SAMD12: variants seen among roughly 807,000 people sequenced by gnomAD.
SAMD12 encodes the protein sterile alpha motif domain containing 12, also known as sterile alpha motif domain-containing protein 12.
A neutral mutation model predicts 15.0 loss-of-function variants in SAMD12; 9 were observed. The ratio of observed to expected loss-of-function variants is 0.60; its 90% CI spans 0.36 to 1.05. The LOEUF is 1.05. SAMD12 is among the 50% of genes least tolerant of loss of function. The probability of loss-of-function intolerance (pLI) is 0.01; values close to 1 mark genes in which losing one functional copy is unlikely to be tolerated. For missense variants in SAMD12, 230 were observed against 234.2 expected, an observed-to-expected ratio of 0.98 and a Z score of 0.12; for synonymous variants, 86 against 90.1, an observed-to-expected ratio of 0.96 and a Z score of 0.25.
intron 4 of SAMD12, among the ~76,000 whole-genome samples, chr8:118,271,820 A>G (rs1813361256): frequency 6.6e-6 from 1 of 152,206 alleles, no homozygotes; most frequent in Admixed American, 6.5e-5. Flanking sequence ...CACTGATGCA[A>G]GACACTGATG....
chr8:118,191,755 A>ATTATAT (rs1222293487), exon 5 of SAMD12: 1,012 of 34,096 alleles, frequency 0.03, 342 homozygotes, highest in Non-Finnish European at 0.049. Flanking sequence ...AATACTGGAG[A>ATTATAT]TTATATATAT....
intron 2 of SAMD12, among the ~76,000 whole-genome samples, chr8:118,541,246 C>T (rs1379486637): frequency 1.3e-5 from 2 of 152,180 alleles, no homozygotes; most frequent in Admixed American, 6.6e-5. Context: ...CAAAGTCATA[C>T]AAGAATGAAA....
At chr8:118,438,261 A>G (rs1157325949) in intron 3 of SAMD12, among the ~76,000 whole-genome samples, 9 of 152,180 alleles carry the variant, frequency 5.9e-5, no homozygotes, top group Admixed American at 5.9e-4. Flanking sequence ...TTTATATTTA[A>G]GATAGAAGGA....
intron 2 of SAMD12, among the ~76,000 whole-genome samples, chr8:118,558,836 C>T (rs1411198527): frequency 2.0e-5 from 3 of 152,116 alleles, no homozygotes; most frequent in African/African-American, 7.2e-5. Flanking sequence ...GGATTACAGG[C>T]GTGAGCCACC....
intron 3 of SAMD12, among the ~76,000 whole-genome samples, chr8:118,439,381 T>C (rs1447318719): frequency 2.0e-5 from 3 of 152,206 alleles, no homozygotes; most frequent in Non-Finnish European, 4.4e-5. Flanking sequence ...ATGGACTCTT[T>C]CACATGATTG....
chr8:118,481,494 A>G (rs1226609853), intron 2 of SAMD12, among the ~76,000 whole-genome samples: 2 of 152,198 alleles, frequency 1.3e-5, no homozygotes, highest in Non-Finnish European at 2.9e-5. Context: ...TGAGGAGTTC[A>G]GGGGACAAAG....
intron 4 of SAMD12, among the ~76,000 whole-genome samples, chr8:118,333,470 T>C (rs1265947375): frequency 6.6e-6 from 1 of 152,200 alleles, no homozygotes; most frequent in Admixed American, 6.5e-5. Flanking sequence ...TGTTCATGAA[T>C]AGCTGACGTT....
In SAMD12 at chr8:118,219,124, C is replaced by G. The variant is rs1241492590; in HGVS notation, c.434-21392G>C. 2.0e-5 allele frequency among the ~76,000 whole-genome samples: 3 copies of G among 152,198 alleles called. No individual in the cohort carries two copies. In the East Asian group the frequency reaches 5.8e-4, roughly 29 times the overall value. On this transcript the variant is annotated intron_variant, in intron 4 of 4. Transcript: ENST00000409003. ...TCACAGGCCAGCTCACCTCACCTCA[C>G]TCTTTTTTTACGTTTGCCTGAACCT...
intron 4 of SAMD12, among the ~76,000 whole-genome samples, chr8:118,200,142 T>C (rs1280787871): frequency 1.3e-5 from 2 of 152,150 alleles, no homozygotes; most frequent in Admixed American, 1.3e-4. Flanking sequence ...CTGCTATGAT[T>C]GTGAGGCCTC....
the SAMD12 span, among the ~76,000 whole-genome samples, chr8:118,134,957 A>G: frequency 2.0e-5 from 3 of 152,270 alleles, no homozygotes; most frequent in Non-Finnish European, 4.4e-5. Context: ...GCAGATTCTC[A>G]TTTAGAATGG....
chr8:118,377,383 G>A (rs1466539614), downstream of SAMD12, among the ~76,000 whole-genome samples: 1 of 152,114 alleles, frequency 6.6e-6, no homozygotes, highest in Non-Finnish European at 1.5e-5. Flanking sequence ...GGGCAACAGA[G>A]TGAGACTCTG....
At chr8:118,293,554 T>A (rs1814534330) in intron 4 of SAMD12, among the ~76,000 whole-genome samples, 2 of 152,260 alleles carry the variant, frequency 1.3e-5, no homozygotes, top group African/African-American at 4.8e-5. Context: ...CAGCAATTTA[T>A]GTTCTTAGGA....
the SAMD12 span, among the ~76,000 whole-genome samples, chr8:118,133,701 G>A: frequency 8.7e-3 from 1,319 of 152,120 alleles, 24 homozygotes; most frequent in African/African-American, 0.03. Flanking sequence ...CATAGCAACA[G>A]CAAGACTTTT....
intron 3 of SAMD12, among the ~76,000 whole-genome samples, chr8:118,424,692 G>A (rs1822164896): frequency 6.6e-6 from 1 of 152,148 alleles, no homozygotes; most frequent in Non-Finnish European, 1.5e-5. Context: ...AGATAGTTGT[G>A]TTTTACTGAA....
At chr8:118,349,900 G>T (rs1322844814) in intron 4 of SAMD12, among the ~76,000 whole-genome samples, 1 of 152,158 alleles carries the variant, frequency 6.6e-6, no homozygotes, top group Admixed American at 6.5e-5. Context: ...AGCTAAGCTG[G>T]GAGGATTGCT....
chr8:118,367,430 A>G (rs995450763), intron 4 of SAMD12, among the ~76,000 whole-genome samples: 2 of 152,220 alleles, frequency 1.3e-5, no homozygotes, highest in Admixed American at 6.5e-5. Flanking sequence ...AATAAAACCA[A>G]TATCAATTGT....
At chr8:118,158,186 A>G in the SAMD12 span, among the ~76,000 whole-genome samples, 2 of 152,244 alleles carry the variant, frequency 1.3e-5, no homozygotes, top group East Asian at 1.9e-4. Flanking sequence ...TCACCTAAGT[A>G]ATAATCAGCA....
chr8:118,545,960 A>C (rs182322991), intron 2 of SAMD12, among the ~76,000 whole-genome samples: 1 of 152,288 alleles, frequency 6.6e-6, no homozygotes, highest in African/African-American at 2.4e-5. Context: ...CAGTTACTCC[A>C]CAGAGCTTAT....
chr8:118,483,873 T>C (rs944628970), intron 2 of SAMD12, among the ~76,000 whole-genome samples: 1 of 152,168 alleles, frequency 6.6e-6, no homozygotes, highest in Non-Finnish European at 1.5e-5. Context: ...CTGCAGAAGG[T>C]CACCCAGATA....
Sources: allele counts gnomAD v4.1 joint callset (sites outside exome capture counted in the v4.1 genomes callset), GRCh38; gene constraint gnomAD v4.1.1; transcripts MANE v1.5; gene names NCBI Gene and HGNC (gene_info 2026-07-23, HGNC 2026-07-21).